MBD5: variants seen among roughly 807,000 people sequenced by gnomAD.
MBD5 encodes methyl-CpG-binding domain protein 5.
Under a neutral mutation model 117.3 loss-of-function variants are expected in MBD5, and 13 were observed. The observed-to-expected ratio is 0.11, with a 90% CI of 0.07 to 0.18. MBD5 has a LOEUF of 0.18. Ranked by LOEUF, MBD5 falls within the 10% of genes least tolerant of loss-of-function variation. The probability of loss-of-function intolerance (pLI) is 1.00; values close to 1 mark genes in which losing one functional copy is unlikely to be tolerated. For missense variants in MBD5, 1,879 were observed against 2,093.8 expected (o/e 0.90, Z 2.00); for synonymous variants, 727 against 766.4 (o/e 0.95, Z 0.85).
chr2:148,369,621 G>T (rs950098042), intron 4 of MBD5, among the ~76,000 whole-genome samples: 11 of 152,080 alleles, frequency 7.2e-5, no homozygotes, highest in Non-Finnish European at 1.2e-4. Flanking sequence ...CAGCTTTTCT[G>T]TGTGTTTGAA....
chr2:148,137,573 A>T (rs958442849), intron 1 of MBD5, among the ~76,000 whole-genome samples: 1 of 152,200 alleles, frequency 6.6e-6, no homozygotes, highest in African/African-American at 2.4e-5. Flanking sequence ...CAGCCTGGAT[A>T]ACATAGAGAG....
At chr2:148,153,229 G>A (rs1697743378) in intron 1 of MBD5, among the ~76,000 whole-genome samples, 1 of 151,308 alleles carries the variant, frequency 6.6e-6, no homozygotes, top group Non-Finnish European at 1.5e-5. Context: ...GAAATTCTGG[G>A]TTGAAAATTC....
intron 3 of MBD5, among the ~76,000 whole-genome samples, chr2:148,234,344 A>G (rs765094536): frequency 1.3e-5 from 2 of 152,160 alleles, no homozygotes; most frequent in Non-Finnish European, 2.9e-5. Context: ...TAAGTTTCAC[A>G]TAAGAGGAAT....
At chr2:148,392,188 T>G (rs964646067) in intron 4 of MBD5, among the ~76,000 whole-genome samples, 2 of 152,216 alleles carry the variant, frequency 1.3e-5, no homozygotes, top group Non-Finnish European at 2.9e-5. Flanking sequence ...ATTTCATTAT[T>G]GCTATAGTTA....
chr2:148,243,553 A>T (rs1399865574), intron 3 of MBD5, among the ~76,000 whole-genome samples: 3 of 152,138 alleles, frequency 2.0e-5, no homozygotes, highest in African/African-American at 7.2e-5. Context: ...ATAAAGTAAA[A>T]TATTTAAAAT....
intron 1 of MBD5, among the ~76,000 whole-genome samples, chr2:148,149,412 G>A (rs1284485304): frequency 1.4e-5 from 2 of 143,636 alleles, no homozygotes; most frequent in Admixed American, 1.4e-4. Context: ...ATGTGCATGT[G>A]TCTTTATAGC....
At chr2:148,439,264 T>G (rs1351785182) in intron 4 of MBD5, among the ~76,000 whole-genome samples, 1 of 152,162 alleles carries the variant, frequency 6.6e-6, no homozygotes, top group East Asian at 1.9e-4. Context: ...CATTCAGGAT[T>G]AGGGTGTTGA....
intron 3 of MBD5, among the ~76,000 whole-genome samples, chr2:148,288,227 C>T (rs13427839): frequency 0.47 from 52,604 of 111,248 alleles, 11,038 homozygotes; most frequent in Admixed American, 0.56. Context: ...GGTGAAACCC[C>T]GTCTCTACTA....
intron 4 of MBD5, among the ~76,000 whole-genome samples, chr2:148,397,590 A>G (rs1240158999): frequency 3.9e-5 from 6 of 151,982 alleles, no homozygotes; most frequent in Admixed American, 2.6e-4. Context: ...CGGCCTCCCA[A>G]AGTGCTGAGA....
At chr2:148,315,185 A>G (rs948950762) in intron 3 of MBD5, among the ~76,000 whole-genome samples, 1 of 152,192 alleles carries the variant, frequency 6.6e-6, no homozygotes, top group African/African-American at 2.4e-5. Flanking sequence ...ACCAACCTGC[A>G]TCCTGCTGCT....
chr2:148,030,144 A>G (rs1234397), intron 1 of MBD5, among the ~76,000 whole-genome samples: 89,101 of 151,696 alleles, frequency 0.59, 26,452 homozygotes, highest in Middle Eastern at 0.72. Context: ...GGTGGCACAT[A>G]CCTCTAATCC....
chr2:148,130,858 TG>T (rs1480450530), intron 1 of MBD5, among the ~76,000 whole-genome samples: 1 of 152,150 alleles, frequency 6.6e-6, no homozygotes, highest in Non-Finnish European at 1.5e-5. Context: ...TGGGCAAGGT[TG>T]GGGAGACTAG....
At chr2:148,293,094 A>C (rs1228949790) in intron 3 of MBD5, among the ~76,000 whole-genome samples, 10 of 149,530 alleles carry the variant, frequency 6.7e-5, no homozygotes, top group African/African-American at 2.2e-4. Context: ...CAGGTGGATC[A>C]CTTGAGCCCA....
At chr2:148,137,523 G>T (rs1378632636) in intron 1 of MBD5, among the ~76,000 whole-genome samples, 1 of 152,158 alleles carries the variant, frequency 6.6e-6, no homozygotes, top group East Asian at 1.9e-4. Context: ...ACTTTGGGAG[G>T]CTTAAGCAGG....
intron 3 of MBD5, among the ~76,000 whole-genome samples, chr2:148,254,254 G>C (rs1700530832): frequency 6.6e-6 from 1 of 152,190 alleles, no homozygotes; most frequent in African/African-American, 2.4e-5. Flanking sequence ...GATTGTTAGG[G>C]ATAAAGGTAA....
At chr2:148,183,565 C>A (rs1342043144) in intron 2 of MBD5, among the ~76,000 whole-genome samples, 1 of 151,896 alleles carries the variant, frequency 6.6e-6, no homozygotes, top group Non-Finnish European at 1.5e-5. Context: ...TACAAAGAAT[C>A]TTGTCCATTC....
At chr2:148,467,574 T>A (rs1680591577) in intron 7 of MBD5, among the ~76,000 whole-genome samples, 1 of 152,104 alleles carries the variant, frequency 6.6e-6, no homozygotes. Flanking sequence ...TTTACCTAAG[T>A]TGGTAAAAGG....
intron 4 of MBD5, among the ~76,000 whole-genome samples, chr2:148,348,306 A>C (rs1411916668): frequency 6.6e-6 from 1 of 152,018 alleles, no homozygotes; most frequent in African/African-American, 2.4e-5. Flanking sequence ...CAGTGGGTAC[A>C]AATCAGCAAG....
chr2:148,029,406 T>C (rs1160595868), intron 1 of MBD5, among the ~76,000 whole-genome samples: 1 of 152,186 alleles, frequency 6.6e-6, no homozygotes, highest in East Asian at 1.9e-4. Flanking sequence ...CTTCCTAGCT[T>C]GAAAAATATA....
Sources: allele counts gnomAD v4.1 joint callset (sites outside exome capture counted in the v4.1 genomes callset), GRCh38; gene constraint gnomAD v4.1.1; transcripts MANE v1.5; gene names NCBI Gene and HGNC (gene_info 2026-07-23, HGNC 2026-07-21).